Variants in ACACB observed in about 807,000 individuals in gnomAD.
The protein encoded by ACACB is acetyl-CoA carboxylase 2.
ACACB carries 209 observed loss-of-function variants against 278.8 expected under a neutral mutation model. That is an observed-to-expected ratio of 0.75 (90% CI 0.67 to 0.84). The LOEUF is 0.84. Ranked by LOEUF, ACACB falls within the 40% of genes least tolerant of loss-of-function variation. The pLI is 0.00. For missense variants in ACACB, 2,850 were observed against 3,269.0 expected, an observed-to-expected ratio of 0.87 and a Z score of 3.13; for synonymous variants, 1,174 against 1,285.6, an observed-to-expected ratio of 0.91 and a Z score of 1.86.
chr12:109,169,142 CAAAAAAAAAA>C lies in ACACB; in HGVS notation c.925+1117_925+1126del, dbSNP rs34104231. Among the ~76,000 whole-genome samples the C allele has an allele frequency of 3.8e-5, 4 of 105,836 alleles. No individual in the cohort carries two copies. In the East Asian group the frequency reaches 1.1e-3, roughly 30 times the overall value. 69.4% of individuals were successfully genotyped at this position (105,836 alleles called of 152,430 possible). ...CCTGGGCGACAGAGTGAGACTGTCT[CAAAAAAAAAA>C]AAAAAAAAGCAAAACAAAAACCAAC... On this transcript the variant is annotated intron_variant, in intron 4 of 52. Transcript: ENST00000338432.
chr12:109,206,444 A>G (rs1213074863), intron 19 of ACACB, among the ~76,000 whole-genome samples: 1 of 151,080 alleles, frequency 6.6e-6, no homozygotes, highest in African/African-American at 2.4e-5. Flanking sequence ...AAAAAAAAAA[A>G]CAGATCTCAC....
intron 11 of ACACB, among the ~76,000 whole-genome samples, chr12:109,184,705 A>C (rs2044593000): frequency 6.7e-6 from 1 of 149,346 alleles, no homozygotes; most frequent in Non-Finnish European, 1.5e-5. Flanking sequence ...TTGGCATTAA[A>C]ATTTTTTTTT....
intron 2 of ACACB, among the ~76,000 whole-genome samples, chr12:109,163,605 G>GA (rs1404401827): frequency 6.6e-6 from 1 of 152,018 alleles, no homozygotes; most frequent in Non-Finnish European, 1.5e-5. Context: ...AAAAAATAGA[G>GA]AAAAAAAGAG....
At chr12:109,164,775 T>A (rs950649788) in intron 2 of ACACB, among the ~76,000 whole-genome samples, 4 of 146,944 alleles carry the variant, frequency 2.7e-5, no homozygotes, top group Non-Finnish European at 5.9e-5. Flanking sequence ...TGGAGTGCAG[T>A]GGTGCAATCT....
rs550900034 is a variant in ACACB, at chr12:109,176,042, TA to T, written c.1326+5del. 5.6e-6 allele frequency: 9 copies of T among 1,613,950 alleles called. No individual in the cohort carries two copies. The highest frequency in any genetic ancestry group is 7.6e-6 in the Non-Finnish European group (9 of 1,179,862). ...AAAGACGTAGATGAGGGCTTGGAGG[TA>T]AATGCAGAGCCTGTGGGGGCCAGGG... On this transcript the variant is annotated splice_donor_region_variant and intron_variant, in intron 8 of 52. Transcript: ENST00000338432.
At chr12:109,163,703 G>A (rs779276000) in intron 2 of ACACB, among the ~76,000 whole-genome samples, 9 of 151,960 alleles carry the variant, frequency 5.9e-5, no homozygotes, top group South Asian at 2.1e-4. Flanking sequence ...AGGCTGGAGC[G>A]CAGTGGCACA....
intron 2 of ACACB, among the ~76,000 whole-genome samples, chr12:109,162,158 T>C (rs1180123232): frequency 6.6e-6 from 1 of 151,916 alleles, no homozygotes; most frequent in Non-Finnish European, 1.5e-5. Context: ...TGTGTTTTTT[T>C]AGTTGGGATG....
chr12:109,170,889 C>T (rs796712606), intron 4 of ACACB, among the ~76,000 whole-genome samples: 11 of 151,376 alleles, frequency 7.3e-5, no homozygotes, highest in Admixed American at 2.6e-4. Flanking sequence ...CAGGCTGGAG[C>T]GCAGTGACAT....
At chr12:109,260,717 C>T in intron 48 of ACACB, 60 bp downstream of exon 48, 1 of 1,476,124 alleles carries the variant, frequency 6.8e-7, no homozygotes, top group Non-Finnish European at 9.0e-7. Context: ...CTTGAGAGCC[C>T]ATGACCTTGG....
intron 46 of ACACB, 41 bp downstream of exon 46, chr12:109,258,405 G>T: frequency 6.4e-7 from 1 of 1,550,454 alleles, no homozygotes; most frequent in Non-Finnish European, 8.8e-7. Context: ...TTAGCCAGCG[G>T]TACTGTCGAG....
At chr12:109,230,986 C>T (rs1353295238) in intron 28 of ACACB, among the ~76,000 whole-genome samples, 9 of 152,116 alleles carry the variant, frequency 5.9e-5, no homozygotes, top group South Asian at 4.1e-4. Context: ...ACCTTGCCTG[C>T]GGCTGCCCCC....
chr12:109,140,549 TGGAAGGC>T, intron 2 of ACACB, among the ~76,000 whole-genome samples: 1 of 152,086 alleles, frequency 6.6e-6, no homozygotes, highest in East Asian at 1.9e-4. Flanking sequence ...CCCAGCTGCT[TGGAAGGC>T]TGAGGCGGGA....
chr12:109,228,106 G>C (rs1593638109), intron 28 of ACACB, among the ~76,000 whole-genome samples: 2 of 150,880 alleles, frequency 1.3e-5, no homozygotes, highest in East Asian at 3.9e-4. Flanking sequence ...GGGAGGCTGA[G>C]GTGGGTGGAT....
rs1049065649 is a variant in ACACB at position 109,258,347 on chromosome 12, C to T, written c.6343C>T (p.Leu2115=). ...EVAVPADPAN[L]DSEAKIIQQA... Reference sequence around the variant, plus strand: ...GGCAGTCCCTGCAGACCCTGCCAACCTGGATTCTGAGGCCAAGGTGAGGGG... The same window carrying T: ...GGCAGTCCCTGCAGACCCTGCCAACTTGGATTCTGAGGCCAAGGTGAGGGG... The change falls in exon 46 of 53, where the codon CTG becomes TTG. Residue 2115 remains leucine, a synonymous_variant. Coordinates refer to ENST00000338432, the MANE Select transcript of ACACB (RefSeq NM_001093.4). 2.5e-6 allele frequency: 4 copies of T among 1,611,860 alleles called. No homozygotes were observed. The highest frequency in any genetic ancestry group is 3.4e-6 in the Non-Finnish European group (4 of 1,179,786).
At chr12:109,261,869 T>TAA (rs553780682) in intron 48 of ACACB, among the ~76,000 whole-genome samples, 9 of 66,892 alleles carry the variant, frequency 1.3e-4, no homozygotes, top group African/African-American at 3.4e-4. Flanking sequence ...AGACCCTGTC[T>TAA]AAAAAAAAAA....
intron 19 of ACACB, among the ~76,000 whole-genome samples, chr12:109,202,569 C>T (rs1593544652): frequency 6.6e-6 from 1 of 152,138 alleles, no homozygotes; most frequent in African/African-American, 2.4e-5. Flanking sequence ...CCCTCCTCAG[C>T]CTCCCAAAGT....
intron 1 of ACACB, among the ~76,000 whole-genome samples, chr12:109,126,123 G>C (rs908624260): frequency 2.6e-5 from 4 of 152,168 alleles, no homozygotes; most frequent in African/African-American, 9.7e-5. Context: ...CACAGCAGGG[G>C]GAGAAGCGAA....
chr12:109,213,526 G>A (rs1300365261), intron 22 of ACACB, among the ~76,000 whole-genome samples: 1 of 152,182 alleles, frequency 6.6e-6, no homozygotes, highest in Admixed American at 6.5e-5. Context: ...ATGAATAATT[G>A]TATTTCATCT....
At chr12:109,221,968 C>T (rs572137671) in intron 24 of ACACB, among the ~76,000 whole-genome samples, 1 of 151,792 alleles carries the variant, frequency 6.6e-6, no homozygotes, top group East Asian at 1.9e-4. Context: ...CTGCAACCTC[C>T]ACCTCCCAAG....
Sources: gnomAD v4.1 joint callset for allele counts (sites outside exome capture counted in the v4.1 genomes callset) on GRCh38, gnomAD v4.1.1 for gene constraint, MANE v1.5 for transcripts, NCBI Gene and HGNC (gene_info 2026-07-23, HGNC 2026-07-21) for gene names.